Variants in BRINP3 observed in about 807,000 individuals in gnomAD.
BRINP3 encodes BMP/retinoic acid-inducible neural-specific protein 3.
A neutral mutation model predicts 71.0 loss-of-function variants in BRINP3; 19 were observed. The observed-to-expected ratio is 0.27, with a 90% confidence interval of 0.19 to 0.39. The LOEUF (loss-of-function observed/expected upper bound fraction) is 0.39. Among genes scored for constraint, BRINP3 ranks in the 10% least tolerant of loss-of-function variants. BRINP3 has a pLI of 1.00. For synonymous variants in BRINP3, 380 were observed against 337.7 expected, an observed-to-expected ratio of 1.13 and a Z score of -1.37; for missense variants, 959 against 940.8, an observed-to-expected ratio of 1.02 and a Z score of -0.25.
chr1:190,300,218 G>T (rs1571678122), intron 2 of BRINP3, among the ~76,000 whole-genome samples: 1 of 152,044 alleles, frequency 6.6e-6, no homozygotes, highest in South Asian at 2.1e-4. Flanking sequence ...TTTTCACATA[G>T]TCCCATATTT....
At chr1:190,208,173 G>C (rs768317855) in intron 6 of BRINP3, among the ~76,000 whole-genome samples, 7 of 151,290 alleles carry the variant, frequency 4.6e-5, no homozygotes, top group Non-Finnish European at 1.0e-4. Context: ...TGTTTCCCTG[G>C]TCTTGAACTC....
chr1:190,363,704 T>C (rs953791948), intron 2 of BRINP3, among the ~76,000 whole-genome samples: 23 of 152,230 alleles, frequency 1.5e-4, no homozygotes, highest in African/African-American at 5.5e-4. Flanking sequence ...ATCTGGGAGA[T>C]AGCAATGGAG....
chr1:190,254,281 T>C (rs866485465), intron 4 of BRINP3, among the ~76,000 whole-genome samples: 1 of 125,026 alleles, frequency 8.0e-6, no homozygotes, highest in African/African-American at 2.6e-5. Flanking sequence ...AACTTTAAAA[T>C]AGTTTTTTTT....
chr1:190,409,282 T>C (rs1389270016), intron 2 of BRINP3, among the ~76,000 whole-genome samples: 1 of 152,062 alleles, frequency 6.6e-6, no homozygotes, highest in Non-Finnish European at 1.5e-5. Context: ...AACTATCTAA[T>C]AGAAGGAAAC....
At chr1:190,181,241 A>T (rs1478441418) in intron 6 of BRINP3, among the ~76,000 whole-genome samples, 3 of 152,062 alleles carry the variant, frequency 2.0e-5, no homozygotes, top group Non-Finnish European at 4.4e-5. Flanking sequence ...ACCAGTATAC[A>T]TTCAAAATGT....
chr1:190,353,187 G>T (rs1001719706), intron 2 of BRINP3, among the ~76,000 whole-genome samples: 1 of 151,856 alleles, frequency 6.6e-6, no homozygotes, highest in Non-Finnish European at 1.5e-5. Flanking sequence ...TCCTTGGCTT[G>T]TCAGGGTAGG....
intron 3 of BRINP3, among the ~76,000 whole-genome samples, chr1:190,266,324 A>G (rs2102880709): frequency 6.6e-6 from 1 of 152,298 alleles, no homozygotes; most frequent in Non-Finnish European, 1.5e-5. Flanking sequence ...TCCAATCTTA[A>G]GTAAGAGCTC....
intron 6 of BRINP3, among the ~76,000 whole-genome samples, chr1:190,179,056 A>G (rs1048795621): frequency 1.3e-5 from 2 of 152,088 alleles, no homozygotes; most frequent in African/African-American, 4.8e-5. Flanking sequence ...GTCTCAGCAA[A>G]CTCTTTCCTT....
chr1:190,431,034 G>T (rs1674066094), intron 2 of BRINP3, among the ~76,000 whole-genome samples: 1 of 151,884 alleles, frequency 6.6e-6, no homozygotes, highest in African/African-American at 2.4e-5. Flanking sequence ...GGTAATTACT[G>T]GAAGGTCTCA....
At chr1:190,178,309 T>A (rs915856673) in intron 6 of BRINP3, among the ~76,000 whole-genome samples, 2 of 152,178 alleles carry the variant, frequency 1.3e-5, no homozygotes, top group African/African-American at 4.8e-5. Flanking sequence ...TATATTTATA[T>A]TTTTAACTCA....
intron 6 of BRINP3, among the ~76,000 whole-genome samples, chr1:190,195,688 T>A (rs1654418193): frequency 2.6e-5 from 4 of 152,078 alleles, no homozygotes; most frequent in Admixed American, 2.6e-4. Flanking sequence ...GTGATCTAAA[T>A]TGGCTTTATC....
intron 2 of BRINP3, among the ~76,000 whole-genome samples, chr1:190,413,018 A>G (rs971753232): frequency 6.6e-6 from 1 of 152,212 alleles, no homozygotes; most frequent in African/African-American, 2.4e-5. Context: ...AATTTTTAAA[A>G]ATCTCTTTAT....
intron 4 of BRINP3, among the ~76,000 whole-genome samples, chr1:190,246,098 T>TAAG (rs1553268779): frequency 6.6e-6 from 1 of 151,288 alleles, no homozygotes; most frequent in Admixed American, 6.6e-5. Context: ...GCATGTTTTA[T>TAAG]CCTTGGGTAT....
chr1:190,201,712 C>G (rs1385697263), intron 6 of BRINP3, among the ~76,000 whole-genome samples: 1 of 151,722 alleles, frequency 6.6e-6, no homozygotes, highest in East Asian at 1.9e-4. Context: ...TGAAATAGAC[C>G]AACATAGAAT....
chr1:190,135,610 T>G (rs919293800), intron 7 of BRINP3, among the ~76,000 whole-genome samples: 4 of 152,124 alleles, frequency 2.6e-5, no homozygotes, highest in African/African-American at 7.2e-5. Flanking sequence ...ATGTTTGTTT[T>G]TAATAAAATT....
intron 6 of BRINP3, among the ~76,000 whole-genome samples, chr1:190,222,576 A>C (rs920794775): frequency 5.3e-5 from 8 of 151,958 alleles, no homozygotes; most frequent in Admixed American, 3.9e-4. Flanking sequence ...TTGAGACAAA[A>C]AAATACATAA....
At chr1:190,286,133 T>G (rs1394815958) in intron 2 of BRINP3, among the ~76,000 whole-genome samples, 1 of 152,144 alleles carries the variant, frequency 6.6e-6, no homozygotes, top group Non-Finnish European at 1.5e-5. Flanking sequence ...AAAATATTTT[T>G]GGGGATCATA....
At chr1:190,174,791 G>C (rs767287355) in intron 6 of BRINP3, among the ~76,000 whole-genome samples, 1 of 151,710 alleles carries the variant, frequency 6.6e-6, no homozygotes, top group Admixed American at 6.6e-5. Flanking sequence ...TTTAACAGCT[G>C]TAGATCCTCC....
At chr1:190,321,813 A>G (rs1398124987) in intron 2 of BRINP3, among the ~76,000 whole-genome samples, 1 of 152,032 alleles carries the variant, frequency 6.6e-6, no homozygotes, top group African/African-American at 2.4e-5. Context: ...GTTGGTTTTT[A>G]CCTTGTGGTA....
Sources: allele counts gnomAD v4.1 joint callset (sites outside exome capture counted in the v4.1 genomes callset), GRCh38; gene constraint gnomAD v4.1.1; transcripts MANE v1.5; gene names NCBI Gene and HGNC (gene_info 2026-07-23, HGNC 2026-07-21).